The following CCDC6 variants were observed in gnomAD, a reference collection of about 807,000 sequenced individuals.
CCDC6 encodes coiled-coil domain-containing protein 6.
Under a neutral mutation model 56.6 loss-of-function variants are expected in CCDC6, and 20 were observed. The ratio of observed to expected loss-of-function variants is 0.35; its 90% confidence interval spans 0.25 to 0.51. The LOEUF (loss-of-function observed/expected upper bound fraction) is 0.51, where lower values mean the gene tolerates loss of function less well. Ranked by LOEUF, CCDC6 falls within the 20% of genes least tolerant of loss-of-function variation. The probability of loss-of-function intolerance (pLI) is 0.95; values close to 1 mark genes in which losing one functional copy is unlikely to be tolerated. For missense variants in CCDC6, 367 were observed against 601.1 expected (o/e 0.61, Z 4.07); for synonymous variants, 241 against 234.4 (o/e 1.03, Z -0.26).
intron 3 of CCDC6, among the ~76,000 whole-genome samples, chr10:59,829,100 CTA>C (rs1303911502): frequency 1.3e-5 from 2 of 152,202 alleles, no homozygotes; most frequent in Non-Finnish European, 2.9e-5. Flanking sequence ...TACCAAAGGA[CTA>C]ACTTTCAGTG....
At chr10:59,860,776 G>A (rs569286488) in intron 1 of CCDC6, among the ~76,000 whole-genome samples, 23 of 152,238 alleles carry the variant, frequency 1.5e-4, no homozygotes, top group African/African-American at 4.6e-4. Flanking sequence ...TACTGGGCGC[G>A]ATGGCTTACG....
In CCDC6 at chr10:59,841,943, G is replaced by C. The variant is rs572110655; in HGVS notation, c.454-9290C>G. ...CAGCCTCCCAAAGTGCAGGATTACAGGTGTGAGCCACCGCGCCCGACCCCA... is the reference window on the plus strand; with the variant it reads ...CAGCCTCCCAAAGTGCAGGATTACACGTGTGAGCCACCGCGCCCGACCCCA... On this transcript the variant is annotated intron_variant, in intron 2 of 8. Coordinates refer to ENST00000263102, the MANE Select transcript of CCDC6 (RefSeq NM_005436.5). 5.3e-5 allele frequency among the ~76,000 whole-genome samples: 8 copies of C among 152,096 alleles called. No homozygotes were observed. The East Asian group carries it at 1.5e-3, about 29-fold the overall frequency.
In CCDC6 at chr10:59,906,465, G is replaced by A. The variant is rs768704338; in HGVS notation, c.-41C>T. The A allele has an allele frequency of 7.0e-4, 1,010 of 1,443,388 alleles. 1 individual carries two copies. The highest frequency in any genetic ancestry group is 8.6e-4 in the Non-Finnish European group (958 of 1,112,022). 89.4% of individuals were successfully genotyped at this position (1,443,388 alleles called of 1,614,324 possible). On this transcript the variant is annotated 5_prime_UTR_variant, in exon 1 of 9. Transcript: ENST00000263102. Reference sequence around the variant, plus strand: ...GGGAAAGGAGGAGGAGCAGCAGGGAGGCGGCGGCGACGAAGGCCGGGCTGC... The same window carrying A: ...GGGAAAGGAGGAGGAGCAGCAGGGAAGCGGCGGCGACGAAGGCCGGGCTGC...
chr10:59,798,619 GTTTTC>G (rs1564736779), intron 7 of CCDC6, among the ~76,000 whole-genome samples: 1 of 152,038 alleles, frequency 6.6e-6, no homozygotes, highest in Non-Finnish European at 1.5e-5. Context: ...GAAAGAAGTT[GTTTTC>G]TTTAAAAAAA....
Position 59,816,699 on chromosome 10 carries a change from G to T in CCDC6, c.583-1944C>A, listed in dbSNP as rs145879224. Among the ~76,000 whole-genome samples the T allele has an allele frequency of 3.9e-4, 60 of 152,298 alleles. 1 individual carries two copies. The highest frequency in any genetic ancestry group is 1.4e-3 in the African/African-American group (59 of 41,570). Reference sequence around the variant, plus strand: ...AAAGCACTCAACACTTTTTGGCTATGATAATCACTATATCTGGATATCCGT... The same window carrying T: ...AAAGCACTCAACACTTTTTGGCTATTATAATCACTATATCTGGATATCCGT... On this transcript the variant is annotated intron_variant, in intron 3 of 8. Coordinates refer to ENST00000263102, the MANE Select transcript of CCDC6 (RefSeq NM_005436.5).
At chr10:59,828,997 T>C (rs912706120) in intron 3 of CCDC6, among the ~76,000 whole-genome samples, 2 of 152,198 alleles carry the variant, frequency 1.3e-5, no homozygotes, top group African/African-American at 4.8e-5. Context: ...CTTCATGATC[T>C]AGCTGTGAAC....
chr10:59,903,500 G>A (rs1050159834), intron 1 of CCDC6, among the ~76,000 whole-genome samples: 1 of 152,132 alleles, frequency 6.6e-6, no homozygotes, highest in African/African-American at 2.4e-5. Flanking sequence ...GGGAAAAAAA[G>A]AGCCCGGCTC....
At chr10:59,834,989 C>A (rs991921394) in intron 2 of CCDC6, among the ~76,000 whole-genome samples, 2 of 152,104 alleles carry the variant, frequency 1.3e-5, no homozygotes, top group African/African-American at 4.8e-5. Context: ...GAATGGTAGG[C>A]GAGATCTATA....
intron 3 of CCDC6, among the ~76,000 whole-genome samples, chr10:59,822,309 CTT>C (rs1194013316): frequency 6.6e-5 from 10 of 152,266 alleles, no homozygotes; most frequent in African/African-American, 2.2e-4. Flanking sequence ...TGAGAAATAA[CTT>C]TTGAAATAGA....
chr10:59,904,869 C>A (rs2071530852), intron 1 of CCDC6, among the ~76,000 whole-genome samples: 1 of 152,180 alleles, frequency 6.6e-6, no homozygotes, highest in Admixed American at 6.5e-5. Flanking sequence ...TGTACACACG[C>A]GTGCGCACAC....
chr10:59,872,126 T>C (rs2071234975), intron 1 of CCDC6, among the ~76,000 whole-genome samples: 1 of 152,250 alleles, frequency 6.6e-6, no homozygotes, highest in African/African-American at 2.4e-5. Flanking sequence ...AGATTTTAAC[T>C]ATCTCTATGA....
rs1412231414 is a variant in CCDC6 at position 59,797,684 on chromosome 10, TG to T, written c.1106-3088del. On this transcript the variant is annotated intron_variant, in intron 7 of 8. Coordinates refer to ENST00000263102, the MANE Select transcript of CCDC6 (RefSeq NM_005436.5). The stretch of plus-strand genomic sequence containing the variant: ...TGAGAGAGAGAGAGAGTGAGAGTGT[TG>T]TGTGTGTGTGTGTGTGTGTGTGTGT... Among the ~76,000 whole-genome samples, 6 of 57,048 alleles carry T rather than the reference TG, an allele frequency of 1.1e-4. No homozygotes were observed. The African/African-American group carries it at 1.2e-3, about 11-fold the overall frequency. 37.4% of individuals were successfully genotyped at this position (57,048 alleles called of 152,430 possible).
At chr10:59,887,350 T>A (rs1487147465) in intron 1 of CCDC6, among the ~76,000 whole-genome samples, 1 of 152,130 alleles carries the variant, frequency 6.6e-6, no homozygotes, top group Non-Finnish European at 1.5e-5. Context: ...AATTATCCCC[T>A]CTGATACACT....
rs188729861 is a variant in CCDC6 at position 59,879,086 on chromosome 10, T to C, written c.304-26384A>G. Among the ~76,000 whole-genome samples the C allele has an allele frequency of 2.4e-4, 36 of 152,280 alleles. 1 individual carries two copies. Among genetic ancestry groups the C allele is most frequent in the Admixed American group, 9.8e-4 (15 of 15,296 alleles). On this transcript the variant is annotated intron_variant, in intron 1 of 8. Coordinates refer to ENST00000263102, the MANE Select transcript of CCDC6 (RefSeq NM_005436.5). The stretch of plus-strand genomic sequence containing the variant: ...TGGGTCACTATTATGATCATCCTCA[T>C]TCAACAGGTAAGGAGTGAAGGGTCA...
chr10:59,891,205 T>C (rs2071420145), intron 1 of CCDC6, among the ~76,000 whole-genome samples: 1 of 152,230 alleles, frequency 6.6e-6, no homozygotes, highest in Admixed American at 6.5e-5. Flanking sequence ...TTGTGCATCC[T>C]GCATTTTTAC....
intron 8 of CCDC6, 42 bp from the exon 9 acceptor site, chr10:59,793,153 T>C (rs776657563): frequency 6.4e-7 from 1 of 1,551,172 alleles, no homozygotes; most frequent in South Asian, 1.1e-5. Flanking sequence ...TAGGTACAGG[T>C]GGATCTCATT....
At position 59,812,750 on chromosome 10, in the gene CCDC6, C is replaced by T. The variant is rs189149234; in HGVS notation, c.732G>A (p.Ser244=). 1.8e-4 allele frequency: 287 copies of T among 1,611,446 alleles called. No homozygotes were observed. In the South Asian group the frequency reaches 2.7e-3, roughly 15 times the overall value. ...KLDQPVSAPP[S]PRDISMEIDS... is the part of the protein sequence containing the mutation. ...CAATCTCCATGGAGATATCTCTAGGCGATGGTGGAGCAGAGACGGGCTGGT... is the reference window on the plus strand; with the variant it reads ...CAATCTCCATGGAGATATCTCTAGGTGATGGTGGAGCAGAGACGGGCTGGT... The change falls in exon 5 of 9, where the codon TCG becomes TCA. Residue 244 remains serine (S), a synonymous_variant. Coordinates refer to ENST00000263102, the MANE Select transcript of CCDC6 (RefSeq NM_005436.5).
At chr10:59,873,330 G>GA (rs2071248250) in intron 1 of CCDC6, among the ~76,000 whole-genome samples, 1 of 152,076 alleles carries the variant, frequency 6.6e-6, no homozygotes, top group Non-Finnish European at 1.5e-5. Flanking sequence ...TATAAGAAGG[G>GA]AAAATACAGA....
At chr10:59,805,482 G>A (rs548333159) in intron 6 of CCDC6, 6 of 152,256 alleles carry the variant, frequency 3.9e-5, no homozygotes, top group African/African-American at 1.4e-4. Flanking sequence ...TATTTATCTG[G>A]AAGGCTGAAA....
Sources: gnomAD v4.1 joint callset for allele counts (sites outside exome capture counted in the v4.1 genomes callset) on GRCh38, gnomAD v4.1.1 for gene constraint, MANE v1.5 for transcripts, NCBI Gene and HGNC (gene_info 2026-07-23, HGNC 2026-07-21) for gene names.